The following CASZ1 variants were observed in gnomAD, a reference collection of about 807,000 sequenced individuals.
The protein encoded by CASZ1 is zinc finger protein castor homolog 1.
A neutral mutation model predicts 135.2 loss-of-function variants in CASZ1; 28 were observed. The ratio of observed to expected loss-of-function variants is 0.21; its 90% CI spans 0.15 to 0.28. The LOEUF is 0.28. CASZ1 is among the 10% of genes least tolerant of loss of function. The pLI is 1.00. For missense variants in CASZ1, 2,161 were observed against 2,453.3 expected, an observed-to-expected ratio of 0.88 and a Z score of 2.52; for synonymous variants, 1,068 against 1,073.4, an observed-to-expected ratio of 0.99 and a Z score of 0.10.
chr1:10,761,638 T>C (rs1160543929), intron 1 of CASZ1, among the ~76,000 whole-genome samples: 2 of 152,238 alleles, frequency 1.3e-5, no homozygotes, highest in African/African-American at 4.8e-5. Context: ...TGGTGATTCC[T>C]GTTTTGAATA....
Position 10,697,495 on chromosome 1 carries a change from G to T in CASZ1, c.-23-3583C>A, listed in dbSNP as rs949621533. On this transcript the variant is annotated intron_variant, in intron 3 of 20. Transcript: ENST00000377022. This position sits in a 1 kb window ranked among gnomAD's most constrained non-coding sequence, Gnocchi z 4.7. ...CTCACAAGAGAAAAAGAAGTGGAAG[G>T]CAACCCAGCGGTTCCCCCCAACCCA... 6.6e-6 allele frequency among the ~76,000 whole-genome samples: 1 copy of T among 152,036 alleles called. No individual in the cohort carries two copies. Among genetic ancestry groups the T allele is most frequent in the African/African-American group, 2.4e-5 (1 of 41,378 alleles).
chr1:10,695,466 T>G, intron 3 of CASZ1, among the ~76,000 whole-genome samples: 1 of 150,088 alleles, frequency 6.7e-6, no homozygotes, highest in East Asian at 2.0e-4. Context: ...TCACTTGCGC[T>G]TCCTCCCTGC....
intron 1 of CASZ1, among the ~76,000 whole-genome samples, chr1:10,792,336 C>G (rs1341848959): frequency 2.3e-5 from 1 of 42,592 alleles, no homozygotes; most frequent in South Asian, 8.3e-4. Flanking sequence ...CGCCCCCCCC[C>G]CCCCGGCCCC....
At chr1:10,672,697 G>A (rs1054380012) in intron 4 of CASZ1, among the ~76,000 whole-genome samples, 2 of 152,156 alleles carry the variant, frequency 1.3e-5, no homozygotes, top group African/African-American at 4.8e-5. Flanking sequence ...CGTCAGTGCT[G>A]ATTATGTTTG....
rs2100483349 is a variant in CASZ1 at position 10,720,457 on chromosome 1, T to C, written c.-76-14913A>G. On this transcript the variant is annotated intron_variant, in intron 2 of 20. Transcript: ENST00000377022. The surrounding 1 kb of genome is among the most constrained non-coding windows in gnomAD (Gnocchi z 5.7). ...GAGCCTGGGGAAGCTCAGAAATGTCTAGAGGAGGCCACCCCTACTGCCTGC... is the reference window on the plus strand; with the variant it reads ...GAGCCTGGGGAAGCTCAGAAATGTCCAGAGGAGGCCACCCCTACTGCCTGC... Among the ~76,000 whole-genome samples the C allele has an allele frequency of 6.6e-6, 1 of 152,156 alleles. No individual in the cohort carries two copies. Among genetic ancestry groups the C allele is most frequent in the South Asian group, 2.1e-4 (1 of 4,812 alleles).
intron 8 of CASZ1, 54 bp downstream of exon 8, chr1:10,656,592 C>T (rs1156837094): frequency 1.2e-5 from 17 of 1,371,840 alleles, no homozygotes; most frequent in Non-Finnish European, 1.6e-5. Context: ...CTTCTAAGCG[C>T]CTCCATGCTG....
At chr1:10,770,591 A>C (rs896538831) in intron 1 of CASZ1, among the ~76,000 whole-genome samples, 1 of 152,112 alleles carries the variant, frequency 6.6e-6, no homozygotes, top group Non-Finnish European at 1.5e-5. Flanking sequence ...GTGCGGTCAC[A>C]GGCCCCCTCT....
At chr1:10,765,303 C>A (rs1050787728) in intron 1 of CASZ1, among the ~76,000 whole-genome samples, 1 of 151,334 alleles carries the variant, frequency 6.6e-6, no homozygotes, top group Admixed American at 6.6e-5. Context: ...GAGGACAGAG[C>A]GCTAATGAGC....
At chr1:10,750,339 G>T (rs980909199) in intron 2 of CASZ1, among the ~76,000 whole-genome samples, 1 of 152,112 alleles carries the variant, frequency 6.6e-6, no homozygotes, top group Non-Finnish European at 1.5e-5. Flanking sequence ...GCAGTGGTGC[G>T]ATCACAGCTC....
intron 11 of CASZ1, chr1:10,653,141 C>T: frequency 1.6e-6 from 1 of 608,598 alleles, no homozygotes; most frequent in Non-Finnish European, 3.0e-6. Flanking sequence ...TCGCCCCCAG[C>T]TCACAGATGG....
intron 3 of CASZ1, among the ~76,000 whole-genome samples, chr1:10,698,174 C>T (rs1230365715): frequency 6.6e-6 from 1 of 152,256 alleles, no homozygotes; most frequent in Non-Finnish European, 1.5e-5. Flanking sequence ...GAGGGGCTGG[C>T]ACAGCCGCAC....
chr1:10,639,707 G>A lies in CASZ1; in HGVS notation c.4515C>T (p.Asp1505=). ...FKASLSCHFA[D]CPFSGTSTHF... is the part of the protein sequence containing the mutation. ...GCGTGCTGGTGCCCGAGAAGGGGCA[G>A]TCGGCGAAGTGGCAGCTGAGTGAGG... The change falls in exon 21 of 21, where the codon GAC becomes GAT. Residue 1505 remains aspartate (D), a synonymous_variant. Coordinates refer to ENST00000377022, the MANE Select transcript of CASZ1 (RefSeq NM_001079843.3). The surrounding 1 kb of genome is among the most constrained non-coding windows in gnomAD (Gnocchi z 4.0). 6.3e-7 allele frequency: 1 copy of A among 1,594,372 alleles called. No homozygotes were observed. Among genetic ancestry groups the A allele is most frequent in the Non-Finnish European group, 8.5e-7 (1 of 1,171,544 alleles).
chr1:10,655,287 C>G (rs568050240), intron 9 of CASZ1, among the ~76,000 whole-genome samples: 2 of 152,350 alleles, frequency 1.3e-5, no homozygotes, highest in African/African-American at 4.8e-5. Flanking sequence ...AGCCCAGACT[C>G]TGCGTGGCAT....
rs536674273 is a variant in CASZ1, at chr1:10,716,741, A to C, written c.-76-11197T>G. On this transcript the variant is annotated intron_variant, in intron 2 of 20. Transcript: ENST00000377022. ...AGCTGCCCAGTGGCAGGTAGCACAG[A>C]AAGTCCTGGAATGCCACTAGTAGGC... is the stretch of plus-strand genomic sequence containing the variant. Among the ~76,000 whole-genome samples the C allele has an allele frequency of 5.3e-5, 8 of 152,266 alleles. No individual in the cohort carries two copies. The South Asian group carries it at 1.7e-3, about 32-fold the overall frequency.
rs1456273550 is a variant in CASZ1, at chr1:10,657,657, GAGAC to G, written c.1409+847_1409+850del. 5.3e-5 allele frequency among the ~76,000 whole-genome samples: 8 copies of G among 151,936 alleles called. No homozygotes were observed. The highest frequency in any genetic ancestry group is 2.1e-4 in the South Asian group (1 of 4,814). ...GGAGACAGTGGGATGGGGGTGGACA[GAGAC>G]AGAGCAGGACAGGGGATCGGAGACA... is the stretch of plus-strand genomic sequence containing the variant. On this transcript the variant is annotated intron_variant, in intron 7 of 20. Coordinates refer to ENST00000377022, the MANE Select transcript of CASZ1 (RefSeq NM_001079843.3). This position sits in a 1 kb window ranked among gnomAD's most constrained non-coding sequence, Gnocchi z 5.7.
chr1:10,724,181 C>G lies in CASZ1; in HGVS notation c.-76-18637G>C, dbSNP rs919150818. Among the ~76,000 whole-genome samples the G allele has an allele frequency of 2.6e-5, 4 of 152,166 alleles. No individual in the cohort carries two copies. Among genetic ancestry groups the G allele is most frequent in the African/African-American group, 9.7e-5 (4 of 41,422 alleles). On this transcript the variant is annotated intron_variant, in intron 2 of 20. Coordinates refer to ENST00000377022, the MANE Select transcript of CASZ1 (RefSeq NM_001079843.3). The surrounding 1 kb of genome is among the most constrained non-coding windows in gnomAD (Gnocchi z 4.1). ...CCAGCTTTAAAAATACCCCAGCACA[C>G]GATCCACAGGGTGAGAGCAAAGGCC...
At position 10,694,764 on chromosome 1, in the gene CASZ1, A is replaced by G. The variant is rs1421786490; in HGVS notation, c.-23-852T>C. The stretch of plus-strand genomic sequence containing the variant: ...GCTCCATTGGCTCTGCGATTCCCCA[A>G]ACCTCTGGCTCCGGGAGGAGGAGGC... On this transcript the variant is annotated intron_variant, in intron 3 of 20. Coordinates refer to ENST00000377022, the MANE Select transcript of CASZ1 (RefSeq NM_001079843.3). This position sits in a 1 kb window ranked among gnomAD's most constrained non-coding sequence, Gnocchi z 6.6. 7.0e-6 allele frequency among the ~76,000 whole-genome samples: 1 copy of G among 142,822 alleles called. No homozygotes were observed. Among genetic ancestry groups the G allele is most frequent in the Non-Finnish European group, 1.6e-5 (1 of 64,462 alleles). The allele number at this position is 142,822 out of a possible 152,430, so 93.7% of individuals were successfully genotyped here.
In CASZ1 at chr1:10,724,798, G is replaced by A. The variant is rs182651672; in HGVS notation, c.-76-19254C>T. 1.8e-4 allele frequency among the ~76,000 whole-genome samples: 28 copies of A among 152,330 alleles called. No homozygotes were observed. In the East Asian group the frequency reaches 5.2e-3, roughly 28 times the overall value. On this transcript the variant is annotated intron_variant, in intron 2 of 20. Transcript: ENST00000377022. This position sits in a 1 kb window ranked among gnomAD's most constrained non-coding sequence, Gnocchi z 4.1. ...AGAGGAGGCAGAGGAAGGCAGGTGG[G>A]GGGCTGGCTGGGAGCCTCGGAGGAT...
chr1:10,784,138 C>A (rs573052795), intron 1 of CASZ1, among the ~76,000 whole-genome samples: 1 of 152,288 alleles, frequency 6.6e-6, no homozygotes, highest in Admixed American at 6.5e-5. Context: ...TCTAGACCAG[C>A]CATCTCACCC....
Sources: allele counts gnomAD v4.1 joint callset (sites outside exome capture counted in the v4.1 genomes callset), GRCh38; gene constraint gnomAD v4.1.1; non-coding constraint Gnocchi (gnomAD v3.1); transcripts MANE v1.5; gene names NCBI Gene and HGNC (gene_info 2026-07-23, HGNC 2026-07-21).